The following PRSS22 variants were observed in gnomAD, a reference collection of about 807,000 sequenced individuals.
PRSS22 encodes serine protease 22, also known as brain-specific serine protease 4.
A neutral mutation model predicts 28.0 loss-of-function variants in PRSS22; 26 were observed. That is an observed-to-expected ratio of 0.93 (90% confidence interval 0.68 to 1.29). The LOEUF is 1.29. PRSS22 is among the 50% of genes most tolerant of loss of function. PRSS22 has a pLI of 0.00. For missense variants in PRSS22, 444 were observed against 422.1 expected (o/e 1.05, Z -0.46); for synonymous variants, 217 against 177.9 (o/e 1.22, Z -1.75).
At chr16:2,855,976 A>G (rs533405940) in intron 3 of PRSS22, 106 bp downstream of exon 3, 331 of 1,516,402 alleles carry the variant, frequency 2.2e-4, no homozygotes, top group Non-Finnish European at 2.7e-4. Context: ...AGGGGCACCA[A>G]GATTGAACAG....
chr16:2,855,525 C>T lies in PRSS22; in HGVS notation c.559+49G>A, dbSNP rs772361402. On this transcript the variant is annotated intron_variant, in intron 4 of 5. Transcript: ENST00000161006. ...GTCTGTGTCCCTGAGTGTCTGCCAT[C>T]CTCTGTCCCCATCTGCCCCCAACCA... The T allele has an allele frequency of 2.5e-6, 4 of 1,603,446 alleles. No homozygotes were observed. In the Admixed American group the frequency reaches 6.7e-5, roughly 27 times the overall value.
At chr16:2,854,240 C>T (rs2069434521) in intron 4 of PRSS22, 1 of 544,652 alleles carries the variant, frequency 1.8e-6, no homozygotes, top group East Asian at 3.0e-5. Flanking sequence ...AACCTAAGAC[C>T]CTACCTCTTT....
chr16:2,856,294 C>T (rs1169758404), intron 2 of PRSS22, 41 bp from the exon 3 acceptor site: 7 of 1,604,550 alleles, frequency 4.4e-6, no homozygotes, highest in Non-Finnish European at 6.0e-6. Flanking sequence ...CAACTTCCTA[C>T]AACCCACCCC....
Position 2,852,747 on chromosome 16 carries a change from A to C in PRSS22, c.*346T>G. ...ACAGACACTGGAGAATAAATAATTT[A>C]TTGAAATTGGAGGAATAAATAAGAT... On this transcript the variant is annotated 3_prime_UTR_variant, in exon 6 of 6. Coordinates refer to ENST00000161006, the MANE Select transcript of PRSS22 (RefSeq NM_022119.4). The C allele has an allele frequency of 3.8e-6, 1 of 263,966 alleles. No homozygotes were observed. Among genetic ancestry groups the C allele is most frequent in the Non-Finnish European group, 7.1e-6 (1 of 140,686 alleles). The allele number at this position is 263,966 out of a possible 1,614,324, so 16.4% of individuals were successfully genotyped here.
chr16:2,854,091 C>T, intron 4 of PRSS22, 69 bp from the exon 5 acceptor site: 1 of 1,540,564 alleles, frequency 6.5e-7, no homozygotes, highest in Non-Finnish European at 8.9e-7. Context: ...AAGGACTATT[C>T]CCCCCCAACA....
chr16:2,853,361 G>A lies in PRSS22; in HGVS notation c.718-32C>T, dbSNP rs766719906. 5 of 1,542,586 alleles carry A rather than the reference G, an allele frequency of 3.2e-6. No individual in the cohort carries two copies. In the African/African-American group the frequency reaches 5.4e-5, roughly 17 times the overall value. On this transcript the variant is annotated intron_variant, in intron 5 of 5. Transcript: ENST00000161006. The surrounding 1 kb of genome is among the most constrained non-coding windows in gnomAD (Gnocchi z 4.6). ...AGAGGAGGCGAGGTTAGGAACCCCC[G>A]TGGCACAGGGGGTGGCAGAATCCAG...
intron 3 of PRSS22, 30 bp from the exon 4 acceptor site, chr16:2,855,881 C>A: frequency 6.3e-7 from 1 of 1,597,856 alleles, no homozygotes; most frequent in Admixed American, 1.7e-5. Context: ...GAGGATCAGC[C>A]AGGCCTGGTC....
rs143640012 is a variant in PRSS22, at chr16:2,855,069, C to T, written c.559+505G>A. Among the ~76,000 whole-genome samples, 240 of 152,124 alleles carry T rather than the reference C, an allele frequency of 1.6e-3. 2 individuals carry two copies. Among genetic ancestry groups the T allele is most frequent in the African/African-American group, 5.4e-3 (222 of 41,492 alleles). On this transcript the variant is annotated intron_variant, in intron 4 of 5. Transcript: ENST00000161006. ...GATACTTTTGAAGTAGAAATGAGGC[C>T]AGGCACAGTGGCTCACACCTGTAAT...
Position 2,855,664 on chromosome 16 carries a change from C to T in PRSS22, c.469G>A (p.Val157Ile), listed in dbSNP as rs777336994. ...LERSIQFSER[V>I]LPICLPDASI... Reference sequence around the variant, plus strand: ...GCATCAGGTAGGCAGATGGGCAGGACCCGCTCTGAGAACTGTATGGAGCGC... The same window carrying T: ...GCATCAGGTAGGCAGATGGGCAGGATCCGCTCTGAGAACTGTATGGAGCGC... Residue 157 changes from valine (V) to isoleucine (I), a missense_variant, in exon 4 of 6, where the codon GTC becomes ATC. Val to Ile is a conservative substitution (Grantham distance 29). Transcript: ENST00000161006. 6.2e-7 allele frequency: 1 copy of T among 1,614,172 alleles called. No homozygotes were observed.
rs2069453945 is a variant in PRSS22 at position 2,856,156 on chromosome 16, C to T, written c.207G>A (p.Lys69=). The T allele has an allele frequency of 6.2e-7, 1 of 1,613,986 alleles. No homozygotes were observed. Among genetic ancestry groups the T allele is most frequent in the African/African-American group, 1.3e-5 (1 of 75,002 alleles). ...AACCTGCGCAGTGGTGGGTCCCATT[C>T]TTCTGGATGCTCACGATCCAGGGCC... is the stretch of plus-strand genomic sequence containing the variant. The part of the protein sequence containing the change: ...SEWPWIVSIQ[K]NGTHHCAGSL... Residue 69 remains lysine, a synonymous_variant, in exon 3 of 6, where the codon AAG becomes AAA. Transcript: ENST00000161006.
rs1480905909 is a variant in PRSS22 at position 2,853,184 on chromosome 16, ATCT to A, written c.860_862del (p.Lys287del). The A allele has an allele frequency of 1.9e-6, 3 of 1,599,608 alleles. No individual in the cohort carries two copies. The highest frequency in any genetic ancestry group is 2.5e-6 in the Non-Finnish European group (3 of 1,179,654). On this transcript the variant is annotated inframe_deletion, in exon 6 of 6. Coordinates refer to ENST00000161006, the MANE Select transcript of PRSS22 (RefSeq NM_022119.4). This position sits in a 1 kb window ranked among gnomAD's most constrained non-coding sequence, Gnocchi z 4.6. ...CCCGCGGAGCTGCACCCCTTGCACG[ATCT>A]TCTCCACCCAGGAGCGGTGCGCAGA...
intron 2 of PRSS22, 37 bp downstream of exon 2, chr16:2,856,785 C>T (rs1261798073): frequency 6.4e-7 from 1 of 1,551,544 alleles, no homozygotes; most frequent in Non-Finnish European, 8.7e-7. Flanking sequence ...GGGCCTCCTC[C>T]CTTCTCCCTC....
chr16:2,853,607 G>A lies in PRSS22; in HGVS notation c.717+258C>T, dbSNP rs1224728552. On this transcript the variant is annotated intron_variant, in intron 5 of 5. Transcript: ENST00000161006. The surrounding 1 kb of genome is among the most constrained non-coding windows in gnomAD (Gnocchi z 4.6). The stretch of plus-strand genomic sequence containing the variant: ...TACAGCTGGCTCTGGGCACTGAGGC[G>A]TGGGAAGCCCCCTGAAGGAAATGAA... Among the ~76,000 whole-genome samples the A allele has an allele frequency of 2.0e-5, 3 of 152,236 alleles. No homozygotes were observed. Among genetic ancestry groups the A allele is most frequent in the Non-Finnish European group, 2.9e-5 (2 of 68,048 alleles).
Position 2,858,018 on chromosome 16 carries a change from C to T in PRSS22, c.82+5G>A. On this transcript the variant is annotated splice_donor_5th_base_variant and intron_variant, in intron 1 of 5. Transcript: ENST00000161006. ...GGAGGAGGGAGGAGCAGCCTCCGGA[C>T]GTACCTGTCGACGCCAGCAGCAGCA... 7.8e-7 allele frequency: 1 copy of T among 1,278,150 alleles called. No homozygotes were observed. The highest frequency in any genetic ancestry group is 3.1e-5 in the South Asian group (1 of 32,728). The allele number at this position is 1,278,150 out of a possible 1,614,324, so 79.2% of individuals were successfully genotyped here. A position where few individuals can be genotyped will look rare whatever the true frequency, so the allele number is the denominator to read the frequency against.
At position 2,853,937 on chromosome 16, in the gene PRSS22, T is replaced by G; in HGVS notation, c.645A>C (p.Gly215=). 2 of 1,613,898 alleles carry G rather than the reference T, an allele frequency of 1.2e-6. No homozygotes were observed. The highest frequency in any genetic ancestry group is 3.3e-4 in the Middle Eastern group (2 of 6,058). The change falls in exon 5 of 6, where the codon GGA becomes GGC. Residue 215 remains glycine (G), a synonymous_variant. Transcript: ENST00000161006. This position sits in a 1 kb window ranked among gnomAD's most constrained non-coding sequence, Gnocchi z 4.6. ...SEVCSHLYWR[G]AGQGPITEDM... ...CCTCAGTGATGGGTCCCTGTCCTGC[T>G]CCCCGCCAGTACAGATGGCTGCAGA... is the stretch of plus-strand genomic sequence containing the variant.
rs1244138286 is a variant in PRSS22 at position 2,857,938 on chromosome 16, G to A, written c.82+85C>T. 8 of 1,056,646 alleles carry A rather than the reference G, an allele frequency of 7.6e-6. No homozygotes were observed. In the East Asian group the frequency reaches 2.6e-4, roughly 34 times the overall value. The allele number at this position is 1,056,646 out of a possible 1,614,324, so 65.5% of individuals were successfully genotyped here. ...AGCGGAAAGGAGATGAGAGAGGCAA[G>A]GCCAGGAGGGAGAGAGGGAGGGAGG... On this transcript the variant is annotated intron_variant, in intron 1 of 5. Coordinates refer to ENST00000161006, the MANE Select transcript of PRSS22 (RefSeq NM_022119.4).
intron 1 of PRSS22, chr16:2,857,517 G>C (rs560321004): frequency 5.5e-6 from 1 of 182,118 alleles, no homozygotes; most frequent in Non-Finnish European, 1.1e-5. Context: ...CCCTACCGGC[G>C]GGGCATTTCC....
chr16:2,857,780 G>A (rs752249401), intron 1 of PRSS22: 6 of 374,018 alleles, frequency 1.6e-5, no homozygotes, highest in Non-Finnish European at 2.8e-5. Flanking sequence ...AGAGGGAGCA[G>A]GCGATGGCGA....
At chr16:2,855,539 T>C in intron 4 of PRSS22, 35 bp downstream of exon 4, 6 of 1,611,428 alleles carry the variant, frequency 3.7e-6, no homozygotes, top group Non-Finnish European at 5.1e-6. Flanking sequence ...TGTCCCCATC[T>C]GCCCCCAACC....
Sources: allele counts gnomAD v4.1 joint callset (sites outside exome capture counted in the v4.1 genomes callset), GRCh38; gene constraint gnomAD v4.1.1; non-coding constraint Gnocchi (gnomAD v3.1); transcripts MANE v1.5; gene names NCBI Gene and HGNC (gene_info 2026-07-23, HGNC 2026-07-21).